COL28A1: variants seen among roughly 807,000 people sequenced by gnomAD.
COL28A1 encodes collagen alpha-1(XXVIII) chain.
In COL28A1, 161 loss-of-function variants were observed where a neutral mutation model predicts 150.2. The observed-to-expected ratio is 1.07, with a 90% CI of 0.94 to 1.22. The LOEUF (loss-of-function observed/expected upper bound fraction) is 1.22. COL28A1 is among the 50% of genes most tolerant of loss of function. The pLI is 0.00. For synonymous variants in COL28A1, 552 were observed against 469.7 expected (o/e 1.18, Z -2.26); for missense variants, 1,617 against 1,388.3 (o/e 1.16, Z -2.62).
intron 25 of COL28A1, among the ~76,000 whole-genome samples, chr7:7,427,264 A>G (rs1334891153): frequency 1.3e-5 from 2 of 152,182 alleles, no homozygotes; most frequent in Admixed American, 6.5e-5. Context: ...CTCTGGGTCA[A>G]ACTGCCTAGG....
intron 27 of COL28A1, among the ~76,000 whole-genome samples, chr7:7,398,822 G>A (rs1426295184): frequency 6.6e-6 from 1 of 152,184 alleles, no homozygotes. Context: ...CTGGCCATCT[G>A]CACGATGCAG....
chr7:7,348,944 C>A, the COL28A1 span, among the ~76,000 whole-genome samples: 69 of 152,162 alleles, frequency 4.5e-4, no homozygotes, highest in African/African-American at 1.6e-3. Flanking sequence ...TGGCATCCCA[C>A]TATGTTGCCC....
intron 5 of COL28A1, 105 bp downstream of exon 5, chr7:7,521,800 C>A (rs1781739487): frequency 1.4e-6 from 1 of 737,064 alleles, no homozygotes; most frequent in Non-Finnish European, 2.5e-6. Flanking sequence ...CATTTCCAAA[C>A]AATTGCTTTT....
chr7:7,435,918 G>A (rs559751628), intron 23 of COL28A1, among the ~76,000 whole-genome samples: 9 of 152,286 alleles, frequency 5.9e-5, no homozygotes, highest in Admixed American at 3.9e-4. Flanking sequence ...AGGAAAAATG[G>A]TGCTTCGTTG....
chr7:7,425,684 G>T (rs73334107), intron 25 of COL28A1, among the ~76,000 whole-genome samples: 36,119 of 152,000 alleles, frequency 0.24, 6,399 homozygotes, highest in African/African-American at 0.5. Context: ...AATTATATTT[G>T]AATTTGTTAG....
At chr7:7,354,237 G>A (rs887344362), downstream of COL28A1, among the ~76,000 whole-genome samples, 3 of 151,918 alleles carry the variant, frequency 2.0e-5, no homozygotes, top group African/African-American at 7.3e-5. Context: ...CAAGCGATCT[G>A]CCCACCTTAA....
At chr7:7,397,187 A>G (rs1206409749) in intron 27 of COL28A1, among the ~76,000 whole-genome samples, 1 of 152,200 alleles carries the variant, frequency 6.6e-6, no homozygotes, top group Non-Finnish European at 1.5e-5. Flanking sequence ...GGCTGTAAGA[A>G]GAGAATCTAT....
intron 15 of COL28A1, among the ~76,000 whole-genome samples, chr7:7,463,458 T>C (rs978844393): frequency 4.6e-5 from 7 of 152,128 alleles, no homozygotes; most frequent in Non-Finnish European, 8.8e-5. Flanking sequence ...ACCTATCAGA[T>C]TAACAGCAGA....
intron 27 of COL28A1, among the ~76,000 whole-genome samples, chr7:7,383,801 A>G (rs1782031872): frequency 6.6e-6 from 1 of 151,322 alleles, no homozygotes; most frequent in African/African-American, 2.4e-5. Context: ...ATGCACATTT[A>G]GGTTATTTCC....
chr7:7,472,349 A>G (rs1230890091), intron 15 of COL28A1, among the ~76,000 whole-genome samples: 1 of 152,182 alleles, frequency 6.6e-6, no homozygotes, highest in African/African-American at 2.4e-5. Flanking sequence ...AATATACACA[A>G]ATCAGTAGCT....
chr7:7,521,474 G>T (rs539490810), intron 5 of COL28A1, among the ~76,000 whole-genome samples: 1 of 152,300 alleles, frequency 6.6e-6, no homozygotes, highest in South Asian at 2.1e-4. Context: ...AGGCCACACG[G>T]TGTTGCTGCT....
At chr7:7,517,235 A>G (rs1781464952) in intron 7 of COL28A1, among the ~76,000 whole-genome samples, 1 of 152,068 alleles carries the variant, frequency 6.6e-6, no homozygotes, top group Admixed American at 6.6e-5. Context: ...AGAGAGGGGC[A>G]ATGTCATATG....
rs779213896 is a variant in COL28A1, at chr7:7,437,429, G to C, written c.1756C>G (p.Pro586Ala). The change falls in exon 22 of 35, where the codon CCT (proline) becomes GCT (alanine). Residue 586 changes from proline (P) to alanine (A), a missense_variant. Transcript: ENST00000399429. The stretch of plus-strand genomic sequence containing the variant: ...GGTGGTCCAGGAATTGATGTTCCAG[G>C]CATTCCAAAAGGGCCCATAATGCCC... ...EPGIMGPFGM[P>A]GTSIPGPPGP... is the part of the protein sequence containing the mutation. The C allele has an allele frequency of 2.5e-6, 4 of 1,613,454 alleles. No individual in the cohort carries two copies.
At chr7:7,487,913 C>A (rs978735108) in intron 13 of COL28A1, among the ~76,000 whole-genome samples, 6 of 152,168 alleles carry the variant, frequency 3.9e-5, no homozygotes, top group African/African-American at 1.4e-4. Flanking sequence ...GAAGCCCAAG[C>A]AACCACTGTA....
At chr7:7,392,303 C>T (rs1006193320) in intron 27 of COL28A1, among the ~76,000 whole-genome samples, 8 of 152,106 alleles carry the variant, frequency 5.3e-5, no homozygotes, top group African/African-American at 1.7e-4. Context: ...ATATTGGCTC[C>T]CACTCTCTTC....
At chr7:7,438,127 C>T (rs1785481130) in intron 21 of COL28A1, among the ~76,000 whole-genome samples, 1 of 151,996 alleles carries the variant, frequency 6.6e-6, no homozygotes, top group Non-Finnish European at 1.5e-5. Context: ...TGGCATGTGC[C>T]TGTAATCCCA....
chr7:7,488,918 CATATACAT>C (rs1185497601), intron 13 of COL28A1, among the ~76,000 whole-genome samples: 1 of 152,170 alleles, frequency 6.6e-6, no homozygotes, highest in African/African-American at 2.4e-5. Flanking sequence ...TATATTTACA[CATATACAT>C]ATATACATAG....
At chr7:7,430,651 T>A (rs763357379) in intron 25 of COL28A1, among the ~76,000 whole-genome samples, 1 of 152,234 alleles carries the variant, frequency 6.6e-6, no homozygotes, top group Non-Finnish European at 1.5e-5. Flanking sequence ...TTATTTTACA[T>A]AGAAATAAGC....
In COL28A1 at chr7:7,358,002, T is replaced by C. The variant is rs1225300987; in HGVS notation, c.*631A>G. On this transcript the variant is annotated 3_prime_UTR_variant, in exon 35 of 35. Transcript: ENST00000399429. ...TACATTAAACACTTGTTACCAAACA[T>C]GTTGGAGGAATACAAAGTGACAGTC... 6.6e-6 allele frequency: 1 copy of C among 152,194 alleles called. No individual in the cohort carries two copies. Among genetic ancestry groups the C allele is most frequent in the Non-Finnish European group, 1.5e-5 (1 of 68,040 alleles). 9.4% of individuals were successfully genotyped at this position (152,194 alleles called of 1,614,324 possible).
Sources: gnomAD v4.1 joint callset for allele counts (sites outside exome capture counted in the v4.1 genomes callset) on GRCh38, gnomAD v4.1.1 for gene constraint, MANE v1.5 for transcripts, NCBI Gene and HGNC (gene_info 2026-07-23, HGNC 2026-07-21) for gene names.